PHTF2: variants seen among roughly 807,000 people sequenced by gnomAD.
PHTF2 encodes putative homeodomain transcription factor 2.
In PHTF2, 60 loss-of-function variants were observed where a neutral mutation model predicts 101.2. The observed-to-expected ratio is 0.59, with a 90% CI of 0.48 to 0.73. PHTF2 has a LOEUF of 0.73. PHTF2 is among the 30% of genes least tolerant of loss of function. The pLI, the probability that PHTF2 is intolerant of heterozygous loss-of-function variation, is 0.00. For synonymous variants in PHTF2, 311 were observed against 307.3 expected (o/e 1.01, Z -0.13); for missense variants, 747 against 908.7 (o/e 0.82, Z 2.29).
intron 12 of PHTF2, among the ~76,000 whole-genome samples, chr7:77,934,344 A>G (rs887542695): frequency 6.6e-6 from 1 of 152,232 alleles, no homozygotes; most frequent in South Asian, 2.1e-4. Flanking sequence ...CCTCCTCTAT[A>G]GCTGAATATA....
intron 13 of PHTF2, among the ~76,000 whole-genome samples, 195 bp from the exon 13 acceptor site, chr7:77,939,835 T>C (rs538853623): frequency 6.6e-6 from 1 of 152,324 alleles, no homozygotes; most frequent in South Asian, 2.1e-4. Context: ...AGCGATCTGA[T>C]AATTGTTTTT....
rs200689556 is a variant in PHTF2, at chr7:77,804,812, T to G, written c.-36+5841T>G. 8.5e-5 allele frequency among the ~76,000 whole-genome samples: 13 copies of G among 152,370 alleles called. No individual in the cohort carries two copies. The East Asian group carries it at 2.3e-3, about 27-fold the overall frequency. The stretch of plus-strand genomic sequence containing the variant: ...AACAAAACAACCATTGGCACTTAGT[T>G]CAAACCCTCATTATTGTCCCCAAAT... On this transcript the variant is annotated intron_variant, in intron 1 of 19. Coordinates refer to ENST00000416283, the Ensembl canonical transcript of PHTF2.
chr7:77,851,833 G>A (rs1490736004), intron 2 of PHTF2, among the ~76,000 whole-genome samples: 3 of 151,960 alleles, frequency 2.0e-5, no homozygotes, highest in African/African-American at 7.3e-5. Flanking sequence ...TGATATAGGG[G>A]CTGATTGGAT....
intron 15 of PHTF2, among the ~76,000 whole-genome samples, chr7:77,941,558 C>T (rs1166692317): frequency 6.6e-6 from 1 of 152,208 alleles, no homozygotes; most frequent in Admixed American, 6.5e-5. Flanking sequence ...CCCCTACCCT[C>T]ATACGTAAGC....
chr7:77,846,218 G>A (rs1252188381), intron 2 of PHTF2, among the ~76,000 whole-genome samples: 2 of 152,132 alleles, frequency 1.3e-5, no homozygotes, highest in Admixed American at 1.3e-4. Context: ...CAAAGAATGT[G>A]TATCCGAAGT....
chr7:77,883,281 T>C (rs1799562480), intron 3 of PHTF2, among the ~76,000 whole-genome samples: 1 of 152,178 alleles, frequency 6.6e-6, no homozygotes, highest in Non-Finnish European at 1.5e-5. Context: ...CTGAAGGTTA[T>C]TCATCATTCT....
chr7:77,941,727 CATCA>C (rs1302759996), intron 15 of PHTF2, among the ~76,000 whole-genome samples: 1 of 152,182 alleles, frequency 6.6e-6, no homozygotes, highest in Non-Finnish European at 1.5e-5. Context: ...TCATTGAAAC[CATCA>C]ATCATCTTCT....
chr7:77,954,219 T>C (rs555010864), intron 19 of PHTF2, among the ~76,000 whole-genome samples: 22 of 152,158 alleles, frequency 1.4e-4, no homozygotes, highest in African/African-American at 4.6e-4. Context: ...CTGCAACCTC[T>C]GCCTCCCGGG....
intron 7 of PHTF2, among the ~76,000 whole-genome samples, chr7:77,903,713 T>G (rs567182729): frequency 5.3e-5 from 8 of 152,194 alleles, no homozygotes; most frequent in Non-Finnish European, 1.0e-4. Context: ...CTTCTTAAAG[T>G]CACACAGCTA....
intron 9 of PHTF2, among the ~76,000 whole-genome samples, chr7:77,914,240 A>G (rs754622796): frequency 5.9e-5 from 9 of 152,202 alleles, no homozygotes; most frequent in Non-Finnish European, 1.3e-4. Flanking sequence ...TCCTAGGAGA[A>G]CAAAGGAGGG....
exon 18 of PHTF2, chr7:77,951,635 A>G: frequency 1.4e-6 from 2 of 1,421,914 alleles, no homozygotes; most frequent in Non-Finnish European, 1.9e-6. Flanking sequence ...CTACTTGAAA[A>G]TGGAGAAAAA....
At chr7:77,932,483 C>T (rs1427866991) in intron 12 of PHTF2, among the ~76,000 whole-genome samples, 1 of 151,028 alleles carries the variant, frequency 6.6e-6, no homozygotes, top group African/African-American at 2.4e-5. Context: ...TGGCAATAAG[C>T]GAGATGATAC....
At chr7:77,831,294 C>G (rs1361805629) in intron 1 of PHTF2, among the ~76,000 whole-genome samples, 3 of 152,238 alleles carry the variant, frequency 2.0e-5, no homozygotes, top group Non-Finnish European at 4.4e-5. Context: ...TCAAGTGTGT[C>G]TGCACTGAGA....
intron 1 of PHTF2, among the ~76,000 whole-genome samples, chr7:77,813,404 C>G (rs1037172689): frequency 2.6e-5 from 4 of 152,156 alleles, no homozygotes; most frequent in Admixed American, 6.6e-5. Context: ...GAGACCTGAC[C>G]ATTGCATTTA....
At chr7:77,905,575 T>C (rs1057313283) in intron 7 of PHTF2, among the ~76,000 whole-genome samples, 1 of 152,094 alleles carries the variant, frequency 6.6e-6, no homozygotes, top group Non-Finnish European at 1.5e-5. Context: ...CATGGCTCGC[T>C]GCAGCCTCAA....
At position 77,810,843 on chromosome 7, in the gene PHTF2, A is replaced by G. The variant is rs140084013; in HGVS notation, c.-36+11872A>G. On this transcript the variant is annotated intron_variant, in intron 1 of 19. Coordinates refer to ENST00000416283, the Ensembl canonical transcript of PHTF2. The stretch of plus-strand genomic sequence containing the variant: ...ATGAGCCACCCCACCCAGCTGAATG[A>G]CCTTCAATTTGAGATTGGTTGATTT... Among the ~76,000 whole-genome samples the G allele has an allele frequency of 2.4e-3, 370 of 151,882 alleles. 1 individual carries two copies. The highest frequency in any genetic ancestry group is 3.4e-3 in the Non-Finnish European group (232 of 67,944).
At chr7:77,916,941 G>C (rs895390410) in intron 9 of PHTF2, among the ~76,000 whole-genome samples, 4 of 152,100 alleles carry the variant, frequency 2.6e-5, no homozygotes, top group African/African-American at 7.2e-5. Flanking sequence ...ATGGAGGCCT[G>C]GTCGTGACCC....
chr7:77,923,217 T>TCCTTATTAATCTTTATTTTC, intron 11 of PHTF2: 1 of 904,276 alleles, frequency 1.1e-6, no homozygotes, highest in Non-Finnish European at 1.3e-6. Flanking sequence ...TTTCTATTTT[T>TCCTTATTAATCTTTATTTTC]CCTTATTAAT....
chr7:77,946,739 G>T (rs1187875727), intron 16 of PHTF2, among the ~76,000 whole-genome samples: 2 of 152,004 alleles, frequency 1.3e-5, no homozygotes, highest in African/African-American at 4.8e-5. Context: ...TTTAGCTATG[G>T]GGCGAGACAG....
Sources: allele counts gnomAD v4.1 joint callset (sites outside exome capture counted in the v4.1 genomes callset), GRCh38; gene constraint gnomAD v4.1.1; transcripts MANE v1.5; gene names NCBI Gene and HGNC (gene_info 2026-07-23, HGNC 2026-07-21).